The following TYR variants were observed in gnomAD, a reference collection of about 807,000 sequenced individuals.
The protein encoded by TYR is tyrosinase.
Under a neutral mutation model 51.5 loss-of-function variants are expected in TYR, and 58 were observed. The ratio of observed to expected loss-of-function variants is 1.13; its 90% CI spans 0.91 to 1.40. The LOEUF is 1.40. Ranked by LOEUF, TYR falls within the 40% of genes most tolerant of loss-of-function variation. TYR has a pLI of 0.00. For synonymous variants in TYR, 263 were observed against 235.2 expected (o/e 1.12, Z -1.08); for missense variants, 732 against 647.4 (o/e 1.13, Z -1.42).
At chr11:89,248,884 C>A (rs1457686868) in intron 3 of TYR, among the ~76,000 whole-genome samples, 1 of 151,902 alleles carries the variant, frequency 6.6e-6, no homozygotes, top group Non-Finnish European at 1.5e-5. Context: ...GAGGTAAAAC[C>A]AACAGGGCTT....
At chr11:89,214,355 T>C (rs1293833417) in intron 2 of TYR, among the ~76,000 whole-genome samples, 8 of 152,194 alleles carry the variant, frequency 5.3e-5, no homozygotes, top group Non-Finnish European at 8.8e-5. Context: ...CCTGTTAGAA[T>C]GGCGATCATT....
Position 89,182,124 on chromosome 11 carries a change from T to G in TYR, c.819+3352T>G, listed in dbSNP as rs151232718. Among the ~76,000 whole-genome samples the G allele has an allele frequency of 2.8e-3, 425 of 152,304 alleles. 3 individuals carry two copies. The highest frequency in any genetic ancestry group is 4.8e-3 in the Admixed American group (73 of 15,294). On this transcript the variant is annotated intron_variant, in intron 1 of 4. Transcript: ENST00000263321. ...ATAGCACTTGTAACTTTTCATTACA[T>G]GTAGTGGTTTTCCAGCCTGTCTGTA...
chr11:89,195,218 C>T (rs1450922668), intron 2 of TYR, among the ~76,000 whole-genome samples: 1 of 152,100 alleles, frequency 6.6e-6, no homozygotes, highest in Non-Finnish European at 1.5e-5. Context: ...TTCTTGGTCT[C>T]GTGAGAAGTG....
At chr11:89,202,112 A>T (rs1943605233) in intron 2 of TYR, among the ~76,000 whole-genome samples, 1 of 151,634 alleles carries the variant, frequency 6.6e-6, no homozygotes, top group East Asian at 1.9e-4. Flanking sequence ...GTGTGTGTGG[A>T]GATATAGATA....
chr11:89,243,908 A>G (rs867505559), intron 3 of TYR, among the ~76,000 whole-genome samples: 4 of 152,154 alleles, frequency 2.6e-5, no homozygotes, highest in Non-Finnish European at 4.4e-5. Context: ...ATATTTAAAA[A>G]TATTCCATTT....
At chr11:89,251,658 C>T (rs1944332067) in intron 3 of TYR, among the ~76,000 whole-genome samples, 1 of 151,840 alleles carries the variant, frequency 6.6e-6, no homozygotes, top group East Asian at 1.9e-4. Context: ...AGAAAAAGTG[C>T]TTTCCCAAGA....
intron 2 of TYR, among the ~76,000 whole-genome samples, chr11:89,199,455 G>A (rs1399669799): frequency 6.6e-6 from 1 of 152,152 alleles, no homozygotes; most frequent in African/African-American, 2.4e-5. Context: ...CTTATGGCAA[G>A]TACTGTCTTA....
At chr11:89,252,773 G>A (rs572965360) in intron 3 of TYR, among the ~76,000 whole-genome samples, 2 of 151,720 alleles carry the variant, frequency 1.3e-5, no homozygotes, top group Non-Finnish European at 3.0e-5. Flanking sequence ...GAATAAGATC[G>A]GGGACGTAAT....
At position 89,295,224 on chromosome 11, in the gene TYR, T is replaced by C. The variant is rs762378561; in HGVS notation, c.1448T>C (p.Met483Thr). 6.2e-7 allele frequency: 1 copy of C among 1,613,938 alleles called. No homozygotes were observed. The highest frequency in any genetic ancestry group is 8.5e-7 in the Non-Finnish European group (1 of 1,179,860). ...TGGTCATGGCTCCTTGGGGCGGCGA[T>C]GGTAGGGGCCGTCCTCACTGCCCTG... is the stretch of plus-strand genomic sequence containing the variant. ...RIWSWLLGAA[M>T]VGAVLTALLA... Residue 483 changes from methionine (M) to threonine (T), a missense_variant, in exon 5 of 5, where the codon ATG (methionine) becomes ACG (threonine). By Grantham distance (81) the Met-to-Thr change is moderately conservative. Coordinates refer to ENST00000263321, the MANE Select transcript of TYR (RefSeq NM_000372.5).
At chr11:89,262,621 A>G (rs1324216538) in intron 3 of TYR, among the ~76,000 whole-genome samples, 1 of 149,852 alleles carries the variant, frequency 6.7e-6, no homozygotes, top group African/African-American at 2.5e-5. Flanking sequence ...AAAAAAAAAA[A>G]GAAGATTCAA....
rs377208468 is a variant in TYR, at chr11:89,188,269, A to T, written c.820-2933A>T. 8.1e-4 allele frequency among the ~76,000 whole-genome samples: 123 copies of T among 151,916 alleles called. 3 individuals are homozygous for T. In the South Asian group the frequency reaches 0.026, roughly 32 times the overall value. ...CATGACCATACTTATTAGACTGTAA[A>T]CTCTATAAAAATAAAAACTATGTTT... On this transcript the variant is annotated intron_variant, in intron 1 of 4. Coordinates refer to ENST00000263321, the MANE Select transcript of TYR (RefSeq NM_000372.5).
At chr11:89,281,885 A>G (rs1489454391) in intron 3 of TYR, among the ~76,000 whole-genome samples, 2 of 151,734 alleles carry the variant, frequency 1.3e-5, no homozygotes, top group Non-Finnish European at 2.9e-5. Context: ...ATTTTCAGAA[A>G]AACTATCTAG....
chr11:89,225,207 A>G (rs1394523092), intron 2 of TYR, among the ~76,000 whole-genome samples: 1 of 152,006 alleles, frequency 6.6e-6, no homozygotes, highest in Non-Finnish European at 1.5e-5. Flanking sequence ...GCTTTGATGT[A>G]TGTATACATT....
chr11:89,191,610 G>A (rs1257706920), intron 2 of TYR, among the ~76,000 whole-genome samples, 192 bp downstream of exon 2: 1 of 152,046 alleles, frequency 6.6e-6, no homozygotes, highest in Non-Finnish European at 1.5e-5. Flanking sequence ...GTTAGCTTCA[G>A]GAGCCAGGCA....
intron 3 of TYR, among the ~76,000 whole-genome samples, chr11:89,253,219 C>T (rs751815431): frequency 1.3e-5 from 2 of 151,730 alleles, no homozygotes; most frequent in Non-Finnish European, 3.0e-5. Context: ...ACTTCTTAGC[C>T]TATAAGCATT....
intron 2 of TYR, among the ~76,000 whole-genome samples, chr11:89,225,775 A>G (rs1413274659): frequency 6.6e-6 from 1 of 151,628 alleles, no homozygotes; most frequent in East Asian, 1.9e-4. Flanking sequence ...AAACAATTTG[A>G]TAGTACAGTA....
intron 1 of TYR, among the ~76,000 whole-genome samples, chr11:89,182,566 G>A (rs1018891629): frequency 6.6e-6 from 1 of 152,098 alleles, no homozygotes; most frequent in African/African-American, 2.4e-5. Flanking sequence ...AATATTTATT[G>A]GTCAGAGTTT....
Position 89,279,815 on chromosome 11 carries a change from T to C in TYR, c.1185-4958T>C, listed in dbSNP as rs79572981. Among the ~76,000 whole-genome samples, 1,271 of 151,866 alleles carry C rather than the reference T, an allele frequency of 8.4e-3. 11 individuals carry two copies. Among genetic ancestry groups the C allele is most frequent in the Middle Eastern group, 0.027 (8 of 294 alleles). ...CTGTTAAATGATTTCACCATGTTTT[T>C]ATACTGCACTCTTTGAAAAGAAGTC... On this transcript the variant is annotated intron_variant, in intron 3 of 4. Transcript: ENST00000263321.
intron 3 of TYR, among the ~76,000 whole-genome samples, chr11:89,246,495 C>G (rs1385179821): frequency 6.6e-6 from 1 of 152,170 alleles, no homozygotes; most frequent in Non-Finnish European, 1.5e-5. Flanking sequence ...TCTAAATGCT[C>G]TCCAGTATTG....
Sources: allele counts gnomAD v4.1 joint callset (sites outside exome capture counted in the v4.1 genomes callset), GRCh38; gene constraint gnomAD v4.1.1; transcripts MANE v1.5; gene names NCBI Gene and HGNC (gene_info 2026-07-23, HGNC 2026-07-21).